Variants in DNAI7 observed in about 807,000 individuals in gnomAD.
DNAI7 encodes the protein dynein axonemal intermediate chain 7.
A neutral mutation model predicts 86.6 loss-of-function variants in DNAI7; 78 were observed. The observed-to-expected ratio is 0.90, with a 90% confidence interval of 0.75 to 1.09. The LOEUF (loss-of-function observed/expected upper bound fraction) is 1.09, where lower values mean the gene tolerates loss of function less well. DNAI7 is among the 50% of genes least tolerant of loss of function. DNAI7 has a pLI of 0.00. For missense variants in DNAI7, 753 were observed against 810.2 expected, an observed-to-expected ratio of 0.93 and a Z score of 0.86; for synonymous variants, 274 against 273.0, an observed-to-expected ratio of 1.00 and a Z score of -0.04.
intron 9 of DNAI7, among the ~76,000 whole-genome samples, chr12:25,138,110 C>A (rs1191914067): frequency 6.6e-6 from 1 of 152,104 alleles, no homozygotes; most frequent in African/African-American, 2.4e-5. Context: ...TATTCATCAG[C>A]TCAAGGAACA....
intron 3 of DNAI7, among the ~76,000 whole-genome samples, chr12:25,159,178 G>C (rs947360031): frequency 6.6e-6 from 1 of 152,084 alleles, no homozygotes; most frequent in Non-Finnish European, 1.5e-5. Flanking sequence ...AATGATGTAG[G>C]AGTGGCTCCC....
At chr12:25,135,409 G>A (rs1943427787) in intron 9 of DNAI7, among the ~76,000 whole-genome samples, 1 of 152,208 alleles carries the variant, frequency 6.6e-6, no homozygotes, top group Non-Finnish European at 1.5e-5. Context: ...GGACCACAGG[G>A]AGAAGGAAAC....
At chr12:25,188,244 A>T (rs546487179) in intron 2 of DNAI7, among the ~76,000 whole-genome samples, 1 of 152,350 alleles carries the variant, frequency 6.6e-6, no homozygotes, top group South Asian at 2.1e-4. Context: ...AGTGAAAAAC[A>T]GAAGGTGCAG....
intron 4 of DNAI7, among the ~76,000 whole-genome samples, chr12:25,157,146 C>T (rs900364675): frequency 5.9e-5 from 9 of 151,802 alleles, no homozygotes; most frequent in African/African-American, 2.2e-4. Context: ...GGCGCAGTGG[C>T]GGGTGCCTGT....
intron 2 of DNAI7, among the ~76,000 whole-genome samples, chr12:25,164,352 T>A (rs1489595490): frequency 2.0e-5 from 3 of 150,976 alleles, no homozygotes; most frequent in African/African-American, 7.3e-5. Flanking sequence ...CCACCCCTTC[T>A]CTCTGTGTCT....
chr12:25,188,983 CCA>C (rs1950280474), intron 2 of DNAI7, among the ~76,000 whole-genome samples: 5 of 151,550 alleles, frequency 3.3e-5, no homozygotes, highest in Admixed American at 2.0e-4. Flanking sequence ...TCAGTTATAT[CCA>C]CAGTTTCTAA....
chr12:25,154,947 TAA>T (rs755704414), intron 5 of DNAI7, among the ~76,000 whole-genome samples: 6 of 152,226 alleles, frequency 3.9e-5, no homozygotes, highest in Non-Finnish European at 5.9e-5. Flanking sequence ...AGCCATATTA[TAA>T]TAGTTTTTCA....
intron 2 of DNAI7, among the ~76,000 whole-genome samples, chr12:25,162,913 T>C (rs1016263464): frequency 2.0e-5 from 3 of 152,188 alleles, no homozygotes; most frequent in Non-Finnish European, 4.4e-5. Context: ...TCAACATAAT[T>C]TTAAAATAGA....
At chr12:25,121,672 T>A in intron 11 of DNAI7, 81 bp downstream of exon 11, 1 of 1,139,350 alleles carries the variant, frequency 8.8e-7, no homozygotes, top group Admixed American at 2.4e-5. Context: ...TTAAAGCTTA[T>A]TAGATGTTAG....
chr12:25,186,494 AC>A (rs898456450), intron 2 of DNAI7, among the ~76,000 whole-genome samples: 3 of 152,218 alleles, frequency 2.0e-5, no homozygotes, highest in African/African-American at 7.2e-5. Flanking sequence ...ATGTAACTAA[AC>A]AAAAATGATC....
chr12:25,188,598 C>T (rs562827228), intron 2 of DNAI7, among the ~76,000 whole-genome samples: 31 of 151,082 alleles, frequency 2.1e-4, no homozygotes, highest in African/African-American at 3.2e-4. Flanking sequence ...TACTTGAACC[C>T]GGGAGGCGAA....
chr12:25,134,806 A>T (rs1046042945), intron 9 of DNAI7, among the ~76,000 whole-genome samples: 2 of 152,236 alleles, frequency 1.3e-5, no homozygotes, highest in African/African-American at 4.8e-5. Flanking sequence ...AACTAAGAAA[A>T]GCTTAGCTCG....
chr12:25,150,095 T>C (rs1448732881), intron 6 of DNAI7, among the ~76,000 whole-genome samples: 2 of 152,196 alleles, frequency 1.3e-5, no homozygotes, highest in Non-Finnish European at 2.9e-5. Context: ...GATGCAATGA[T>C]CACTTAGCAA....
chr12:25,113,242 C>T (rs538246619), intron 13 of DNAI7, among the ~76,000 whole-genome samples: 24 of 152,016 alleles, frequency 1.6e-4, no homozygotes, highest in Non-Finnish European at 2.5e-4. Flanking sequence ...AATTCTACGG[C>T]ACTCCATCTC....
At chr12:25,166,021 C>T (rs1194790534) in intron 2 of DNAI7, among the ~76,000 whole-genome samples, 1 of 152,110 alleles carries the variant, frequency 6.6e-6, no homozygotes, top group Non-Finnish European at 1.5e-5. Context: ...CCCTTTGTAT[C>T]TCCCCATCTT....
chr12:25,165,498 C>T (rs1947352623), intron 2 of DNAI7, among the ~76,000 whole-genome samples: 2 of 152,230 alleles, frequency 1.3e-5, no homozygotes, highest in Admixed American at 1.3e-4. Flanking sequence ...CCCATCTGTG[C>T]AGGACCCCAC....
chr12:25,108,069 C>T (rs565515935), downstream of DNAI7: 43 of 1,611,756 alleles, frequency 2.7e-5, no homozygotes, highest in South Asian at 4.1e-4. Context: ...GACAGCAGGA[C>T]ATCCTAATAT....
At chr12:25,162,120 A>G (rs7306769) in intron 2 of DNAI7, among the ~76,000 whole-genome samples, 45,767 of 151,944 alleles carry the variant, frequency 0.3, 7,504 homozygotes, top group Non-Finnish European at 0.36. Context: ...CCCAAAAAGA[A>G]GGAAATGAAG....
At chr12:25,138,882 C>CAA (rs35705308) in intron 9 of DNAI7, among the ~76,000 whole-genome samples, 17,838 of 141,664 alleles carry the variant, frequency 0.13, 1,439 homozygotes, top group Non-Finnish European at 0.17. Context: ...GAAATTGAAA[C>CAA]AAAAAAAAAA....
Sources: allele counts gnomAD v4.1 joint callset (sites outside exome capture counted in the v4.1 genomes callset), GRCh38; gene constraint gnomAD v4.1.1; transcripts MANE v1.5; gene names NCBI Gene and HGNC (gene_info 2026-07-23, HGNC 2026-07-21).